The following DCBLD1 variants were observed in gnomAD, a reference collection of about 807,000 sequenced individuals.
DCBLD1 encodes discoidin, CUB and LCCL domain containing 1, also known as discoidin, CUB and LCCL domain-containing protein 1.
Under a neutral mutation model 71.5 loss-of-function variants are expected in DCBLD1, and 57 were observed. The observed-to-expected ratio is 0.80, with a 90% confidence interval of 0.64 to 0.99. The LOEUF (loss-of-function observed/expected upper bound fraction) is 0.99, where lower values mean the gene tolerates loss of function less well. Among genes scored for constraint, DCBLD1 ranks in the 50% least tolerant of loss-of-function variants. The pLI is 0.00. For synonymous variants in DCBLD1, 380 were observed against 363.8 expected, an observed-to-expected ratio of 1.04 and a Z score of -0.51; for missense variants, 891 against 923.5, an observed-to-expected ratio of 0.96 and a Z score of 0.46.
rs768274423 is a variant in DCBLD1 at position 117,548,419 on chromosome 6, G to A, written c.2128G>A (p.Ala710Thr). The A allele has an allele frequency of 1.3e-6, 2 of 1,550,620 alleles. No homozygotes were observed. The change falls in exon 15 of 15, where the codon GCC becomes ACC. Residue 710 changes from alanine (A) to threonine (T), a missense_variant. Physicochemically the swap from Ala to Thr is moderately conservative, Grantham distance 58. Coordinates refer to ENST00000338728, the MANE Select transcript of DCBLD1 (RefSeq NM_001366458.2). ...CTGCCTCACACCCCTCAACCAGACGGCCATGACTGCCCTTTTGTGAACACA... is the reference window on the plus strand; with the variant it reads ...CTGCCTCACACCCCTCAACCAGACGACCATGACTGCCCTTTTGTGAACACA... ...RDCLTPLNQT[A>T]MTALL is the part of the protein sequence containing the mutation.
At chr6:117,563,001 G>A (rs1007725533) in intron 14 of DCBLD1, 27 of 439,634 alleles carry the variant, frequency 6.1e-5, no homozygotes, top group South Asian at 4.2e-4. Context: ...TACCCCTTTG[G>A]GAAACACATG....
chr6:117,545,543 G>A lies in DCBLD1; in HGVS notation c.1561G>A (p.Asp521Asn). ...HQSAEFTISY[D>N]NEKEMTQKLD... ...GTCAGCTGAGTTTACCATCAGCTAT[G>A]ATAATGAGAAGGAGATGACACAAAA... is the stretch of plus-strand genomic sequence containing the variant. Residue 521 changes from aspartate to asparagine, a missense_variant, in exon 14 of 15, where the codon GAT becomes AAT. Physicochemically the swap from Asp to Asn is conservative, Grantham distance 23. Transcript: ENST00000338728. 4.3e-6 allele frequency: 7 copies of A among 1,614,154 alleles called. No homozygotes were observed. The highest frequency in any genetic ancestry group is 5.9e-6 in the Non-Finnish European group (7 of 1,180,028).
rs1406946014 is a variant in DCBLD1 at position 117,549,189 on chromosome 6, AG to A, written c.*751del. 1 of 985,374 alleles carries A rather than the reference AG, an allele frequency of 1.0e-6. No homozygotes were observed. The highest frequency in any genetic ancestry group is 1.2e-6 in the Non-Finnish European group (1 of 829,964). The allele number at this position is 985,374 out of a possible 1,614,324, so 61.0% of individuals were successfully genotyped here. On this transcript the variant is annotated 3_prime_UTR_variant, in exon 15 of 15. Coordinates refer to ENST00000338728, the MANE Select transcript of DCBLD1 (RefSeq NM_001366458.2). ...ACCATGAAGGTGGCACAGGAATTAC[AG>A]TGTGAATGGCTGTGTCAGATGTTTT...
chr6:117,517,625 A>G (rs1778246688), intron 2 of DCBLD1, among the ~76,000 whole-genome samples: 1 of 152,182 alleles, frequency 6.6e-6, no homozygotes, highest in African/African-American at 2.4e-5. Flanking sequence ...AGACATTTCC[A>G]TACGTCTTCT....
intron 1 of DCBLD1, among the ~76,000 whole-genome samples, chr6:117,496,358 G>A (rs1485435331): frequency 1.3e-5 from 2 of 152,186 alleles, no homozygotes; most frequent in Non-Finnish European, 2.9e-5. Context: ...TAGCAACTGA[G>A]GCCCTTTTGC....
intron 14 of DCBLD1, among the ~76,000 whole-genome samples, chr6:117,567,251 A>G (rs557838752): frequency 1.3e-5 from 2 of 152,306 alleles, no homozygotes; most frequent in East Asian, 3.9e-4. Context: ...TAAACATTAT[A>G]GTAGCTCTTT....
At chr6:117,539,227 T>A (rs764644751) in intron 8 of DCBLD1, 28 bp from the exon 9 acceptor site, 6 of 1,501,184 alleles carry the variant, frequency 4.0e-6, no homozygotes, top group African/African-American at 2.8e-5. Context: ...CTTTTAAAAA[T>A]AGCCTGTAAA....
chr6:117,548,755 G>A lies in DCBLD1; in HGVS notation c.*316G>A, dbSNP rs929579780. ...GTGTTAAAGGTGTAATGTGTACAGA[G>A]TTGTATTTAACAATAATAAAAGTAA... On this transcript the variant is annotated 3_prime_UTR_variant, in exon 15 of 15. Transcript: ENST00000338728. 2 of 1,214,664 alleles carry A rather than the reference G, an allele frequency of 1.6e-6. No homozygotes were observed. The highest frequency in any genetic ancestry group is 3.2e-5 in the African/African-American group (2 of 63,216). 75.2% of individuals were successfully genotyped at this position (1,214,664 alleles called of 1,614,324 possible).
intron 9 of DCBLD1, 75 bp downstream of exon 9, chr6:117,539,454 A>G: frequency 6.9e-7 from 1 of 1,458,682 alleles, no homozygotes; most frequent in Non-Finnish European, 9.2e-7. Flanking sequence ...ATGTGTTTAC[A>G]TTAAATATCT....
At chr6:117,554,837 G>A (rs1281761706) in intron 14 of DCBLD1, among the ~76,000 whole-genome samples, 1 of 151,012 alleles carries the variant, frequency 6.6e-6, no homozygotes, top group African/African-American at 2.4e-5. Flanking sequence ...AGGTTGCAGT[G>A]AGCCGAGATC....
At chr6:117,500,755 C>T (rs1169528591) in intron 1 of DCBLD1, among the ~76,000 whole-genome samples, 1 of 152,054 alleles carries the variant, frequency 6.6e-6, no homozygotes, top group Admixed American at 6.5e-5. Context: ...CCCACCTACT[C>T]GGGAGGCTGA....
At chr6:117,482,946 TGAGGGCTGCGGGGCGGGCC>T (rs1234175346) in intron 1 of DCBLD1, 53 bp downstream of exon 1, 2 of 1,134,974 alleles carry the variant, frequency 1.8e-6, no homozygotes, top group East Asian at 4.7e-5. Flanking sequence ...AGGGGCGGGC[TGAGGGCTGCGGGGCGGGCC>T]GGGCCGGGCC....
intron 1 of DCBLD1, among the ~76,000 whole-genome samples, chr6:117,490,968 C>G (rs192175982): frequency 2.6e-5 from 4 of 152,184 alleles, no homozygotes; most frequent in Admixed American, 2.6e-4. Context: ...CTTTATTTCA[C>G]TATTATTTCT....
intron 1 of DCBLD1, among the ~76,000 whole-genome samples, chr6:117,490,673 G>T (rs906089811): frequency 1.3e-5 from 2 of 150,082 alleles, no homozygotes; most frequent in African/African-American, 5.1e-5. Context: ...TTCATTATTA[G>T]ACTATTTGGA....
Position 117,482,807 on chromosome 6 carries a change from G to GCGC in DCBLD1, c.27_29dup (p.Ala10dup), listed in dbSNP as rs1776935921. The GCGC allele has an allele frequency of 8.6e-7, 1 of 1,156,364 alleles. No homozygotes were observed. The allele number at this position is 1,156,364 out of a possible 1,614,324, so 71.6% of individuals were successfully genotyped here. ...ATGGTGCCCGGCGCCCGCGGCGGCG[G>GCGC]CGCACTGGCGCGGGCTGCCGGGCGG... is the stretch of plus-strand genomic sequence containing the variant. On this transcript the variant is annotated inframe_insertion, in exon 1 of 15. Transcript: ENST00000338728.
intron 2 of DCBLD1, among the ~76,000 whole-genome samples, chr6:117,517,587 TC>T (rs1172583845): frequency 6.6e-6 from 1 of 152,184 alleles, no homozygotes; most frequent in Non-Finnish European, 1.5e-5. Context: ...TATGAGGGCC[TC>T]TGCAGCAAAC....
chr6:117,492,464 G>A (rs1387512248), intron 1 of DCBLD1, among the ~76,000 whole-genome samples: 3 of 152,184 alleles, frequency 2.0e-5, no homozygotes, highest in Non-Finnish European at 4.4e-5. Context: ...CCCATCATAT[G>A]TTCCTATCCA....
intron 3 of DCBLD1, among the ~76,000 whole-genome samples, chr6:117,520,893 A>T (rs900374689): frequency 6.6e-6 from 1 of 152,216 alleles, no homozygotes; most frequent in Non-Finnish European, 1.5e-5. Context: ...GCTCCCAAAG[A>T]ACTATTACAG....
intron 2 of DCBLD1, among the ~76,000 whole-genome samples, chr6:117,509,430 CAAAAT>C (rs371282055): frequency 2.6e-5 from 4 of 152,014 alleles, no homozygotes; most frequent in East Asian, 1.9e-4. Flanking sequence ...GACACTGTCT[CAAAAT>C]AAAATAAAAC....
Sources: gnomAD v4.1 joint callset for allele counts (sites outside exome capture counted in the v4.1 genomes callset) on GRCh38, gnomAD v4.1.1 for gene constraint, MANE v1.5 for transcripts, NCBI Gene and HGNC (gene_info 2026-07-23, HGNC 2026-07-21) for gene names.